The following SLIT3 variants were observed in gnomAD, a reference collection of about 807,000 sequenced individuals.
SLIT3 encodes the protein slit homolog 3 protein.
In SLIT3, 68 loss-of-function variants were observed where a neutral mutation model predicts 184.0. The observed-to-expected ratio is 0.37, with a 90% CI of 0.30 to 0.45. The LOEUF (loss-of-function observed/expected upper bound fraction) is 0.45, where lower values mean the gene tolerates loss of function less well. Ranked by LOEUF, SLIT3 falls within the 20% of genes least tolerant of loss-of-function variation. The pLI is 1.00. For synonymous variants in SLIT3, 831 were observed against 828.6 expected (o/e 1.00, Z -0.05); for missense variants, 1,707 against 2,026.0 (o/e 0.84, Z 3.02).
At chr5:168,809,239 G>A (rs936212669) in intron 8 of SLIT3, among the ~76,000 whole-genome samples, 2 of 152,166 alleles carry the variant, frequency 1.3e-5, no homozygotes, top group African/African-American at 4.8e-5. Context: ...AAGTGGCTGG[G>A]TCTTCCGCAG....
rs138302464 is a variant in SLIT3, at chr5:168,693,585, C to T, written c.3083-885G>A. 2.2e-3 allele frequency among the ~76,000 whole-genome samples: 342 copies of T among 152,218 alleles called. 2 individuals carry two copies. Among genetic ancestry groups the T allele is most frequent in the Non-Finnish European group, 3.6e-3 (247 of 67,998 alleles). Reference sequence around the variant, plus strand: ...CCGAGTTTTGGGTTTCCTCAAATTCCACTAGGTCAAGCCAGATGGAGAGTG... The same window carrying T: ...CCGAGTTTTGGGTTTCCTCAAATTCTACTAGGTCAAGCCAGATGGAGAGTG... On this transcript the variant is annotated intron_variant, in intron 28 of 35. Coordinates refer to ENST00000519560, the MANE Select transcript of SLIT3 (RefSeq NM_003062.4).
intron 16 of SLIT3, among the ~76,000 whole-genome samples, chr5:168,759,858 G>A (rs1489674559): frequency 1.3e-5 from 2 of 152,178 alleles, no homozygotes; most frequent in Non-Finnish European, 2.9e-5. Flanking sequence ...CTGAACTCTG[G>A]GGCCAGGAGA....
At chr5:168,983,747 T>C (rs1027100366) in intron 4 of SLIT3, among the ~76,000 whole-genome samples, 1 of 152,194 alleles carries the variant, frequency 6.6e-6, no homozygotes, top group African/African-American at 2.4e-5. Flanking sequence ...TTTAAAACAG[T>C]ATAATCTATT....
intron 7 of SLIT3, among the ~76,000 whole-genome samples, chr5:168,823,007 T>C (rs979335412): frequency 3.3e-5 from 5 of 152,162 alleles, no homozygotes; most frequent in Non-Finnish European, 7.3e-5. Flanking sequence ...ATTCCCACAG[T>C]TCTAGGGTAA....
chr5:169,146,743 A>T (rs1406968263), intron 4 of SLIT3, among the ~76,000 whole-genome samples: 4 of 152,250 alleles, frequency 2.6e-5, no homozygotes, highest in African/African-American at 9.6e-5. Flanking sequence ...AAACCAATAT[A>T]ATCCTGAGGG....
intron 3 of SLIT3, among the ~76,000 whole-genome samples, chr5:169,196,709 C>T (rs1007190729): frequency 2.0e-5 from 3 of 152,204 alleles, no homozygotes; most frequent in African/African-American, 7.2e-5. Flanking sequence ...TAGTTCTGAA[C>T]CACCATGCTA....
At chr5:168,675,873 C>G (rs1761391695) in intron 32 of SLIT3, among the ~76,000 whole-genome samples, 1 of 152,108 alleles carries the variant, frequency 6.6e-6, no homozygotes, top group African/African-American at 2.4e-5. Flanking sequence ...AGCCCAGGAC[C>G]CACTCAAATC....
At chr5:168,846,224 T>C (rs17666111) in intron 5 of SLIT3, among the ~76,000 whole-genome samples, 20,546 of 152,084 alleles carry the variant, frequency 0.14, 1,715 homozygotes, top group East Asian at 0.25. Flanking sequence ...GATTTAGATA[T>C]TTAGACTAAG....
intron 4 of SLIT3, among the ~76,000 whole-genome samples, chr5:169,031,866 A>G (rs1310822229): frequency 3.3e-5 from 5 of 152,220 alleles, no homozygotes; most frequent in Non-Finnish European, 7.3e-5. Context: ...GGAGATGATT[A>G]GGTGGTTTTC....
chr5:168,821,876 C>T (rs909727803), intron 7 of SLIT3, among the ~76,000 whole-genome samples: 7 of 152,190 alleles, frequency 4.6e-5, no homozygotes, highest in Non-Finnish European at 1.0e-4. Context: ...ACTCTGTGTC[C>T]TTCTTAGGGT....
chr5:168,885,138 T>C (rs1002824602), intron 4 of SLIT3, among the ~76,000 whole-genome samples: 2 of 152,186 alleles, frequency 1.3e-5, no homozygotes, highest in African/African-American at 4.8e-5. Context: ...CCATGTGCTC[T>C]GAGCAGCTAG....
At chr5:169,117,660 G>GT (rs1760724782) in intron 4 of SLIT3, among the ~76,000 whole-genome samples, 2 of 152,170 alleles carry the variant, frequency 1.3e-5, no homozygotes, top group Non-Finnish European at 2.9e-5. Flanking sequence ...AATTCTGTTT[G>GT]TTTAAAAAGT....
intron 23 of SLIT3, chr5:168,712,694 G>A (rs958685958): frequency 4.2e-6 from 1 of 239,402 alleles, no homozygotes; most frequent in Non-Finnish European, 8.2e-6. Context: ...GAAAGGAAGA[G>A]ACCCAAGGGA....
intron 14 of SLIT3, among the ~76,000 whole-genome samples, chr5:168,763,529 G>A (rs76956803): frequency 0.022 from 3,394 of 152,254 alleles, 135 homozygotes; most frequent in African/African-American, 0.077. Flanking sequence ...ACGTTCTGAT[G>A]AGCTAAAAGT....
intron 4 of SLIT3, among the ~76,000 whole-genome samples, chr5:169,117,295 G>T (rs1760709852): frequency 6.6e-6 from 1 of 152,180 alleles, no homozygotes; most frequent in Non-Finnish European, 1.5e-5. Flanking sequence ...CCCGGATTGA[G>T]GAGCTGGAAG....
intron 20 of SLIT3, among the ~76,000 whole-genome samples, chr5:168,725,931 T>G (rs984763990): frequency 3.9e-5 from 6 of 152,206 alleles, no homozygotes; most frequent in Non-Finnish European, 8.8e-5. Context: ...ATTGTTTAAT[T>G]AAGACCAAGT....
intron 16 of SLIT3, among the ~76,000 whole-genome samples, chr5:168,755,394 T>TTTCTTTCTTTCTTTCTTTCTTTCTTTC (rs1561913229): frequency 1.1e-4 from 1 of 8,712 alleles, no homozygotes; most frequent in Non-Finnish European, 2.0e-4. Context: ...CCGCCATTTC[T>TTTCTTTCTTTCTTTCTTTCTTTCTTTC]TTCTTTCTTT....
chr5:168,724,013 G>T (rs1763029957), intron 21 of SLIT3, among the ~76,000 whole-genome samples: 1 of 152,190 alleles, frequency 6.6e-6, no homozygotes, highest in Non-Finnish European at 1.5e-5. Context: ...AAGTATTACT[G>T]GCATCTAGTG....
At position 168,749,502 on chromosome 5, in the gene SLIT3, C is replaced by G. The variant is rs866280975; in HGVS notation, c.2107G>C (p.Asp703His). 1.2e-6 allele frequency: 2 copies of G among 1,614,062 alleles called. No individual in the cohort carries two copies. The highest frequency in any genetic ancestry group is 1.1e-5 in the South Asian group (1 of 91,092). Residue 703 changes from aspartate (D) to histidine (H), a missense_variant, in exon 19 of 36, where the codon GAT becomes CAT. Around this residue, in one of 3 missense-constraint regions of SLIT3, gnomAD observed 1,307 missense variants for 1,511.6 expected, o/e 0.86. Coordinates refer to ENST00000519560, the MANE Select transcript of SLIT3 (RefSeq NM_003062.4). ...PFFLKEIPIQ[D>H]VAIQDFTCDG... is the part of the protein sequence containing the mutation. ...CAGGTGAAGTCCTGGATGGCCACAT[C>G]CTGGATGGGAATCTCCTTGAGGAAA... is the stretch of plus-strand genomic sequence containing the variant.
Sources: gnomAD v4.1 joint callset for allele counts (sites outside exome capture counted in the v4.1 genomes callset) on GRCh38, gnomAD v4.1.1 for gene constraint, gnomAD v4.1.1 regional missense constraint, MANE v1.5 for transcripts, NCBI Gene and HGNC (gene_info 2026-07-23, HGNC 2026-07-21) for gene names.